ADAMTSL1: variants seen among roughly 807,000 people sequenced by gnomAD.
ADAMTSL1 encodes the protein ADAMTS like 1, also known as ADAMTS-like protein 1.
A neutral mutation model predicts 201.8 loss-of-function variants in ADAMTSL1; 126 were observed. That is an observed-to-expected ratio of 0.62 (90% CI 0.54 to 0.72). ADAMTSL1 has a LOEUF of 0.72. ADAMTSL1 is among the 30% of genes least tolerant of loss of function. The pLI, the probability that ADAMTSL1 is intolerant of heterozygous loss-of-function variation, is 0.00. For missense variants in ADAMTSL1, 2,679 were observed against 2,277.8 expected (o/e 1.18, Z -3.59); for synonymous variants, 1,121 against 903.4 (o/e 1.24, Z -4.32).
chr9:18,387,648 GT>G (rs138925946), intron 2 of ADAMTSL1, among the ~76,000 whole-genome samples: 5,420 of 151,124 alleles, frequency 0.036, 262 homozygotes, highest in African/African-American at 0.1. Context: ...ATTTTCATTT[GT>G]TTTTTTAATT....
chr9:18,359,942 C>G (rs971837894), intron 2 of ADAMTSL1, among the ~76,000 whole-genome samples: 2 of 151,406 alleles, frequency 1.3e-5, no homozygotes, highest in African/African-American at 4.9e-5. Flanking sequence ...TCATCAGTGT[C>G]CTCAGCTCTA....
At chr9:18,219,064 A>G (rs996911546) in intron 2 of ADAMTSL1, among the ~76,000 whole-genome samples, 1 of 151,638 alleles carries the variant, frequency 6.6e-6, no homozygotes, top group African/African-American at 2.4e-5. Flanking sequence ...TATATATTTC[A>G]TTCTCCTTAT....
At chr9:18,862,127 G>A (rs542738852) in intron 23 of ADAMTSL1, among the ~76,000 whole-genome samples, 20 of 152,296 alleles carry the variant, frequency 1.3e-4, no homozygotes, top group African/African-American at 3.6e-4. Context: ...CGGGATACGT[G>A]CTAGGAATAT....
At chr9:18,036,522 C>G (rs140539743) in intron 1 of ADAMTSL1, among the ~76,000 whole-genome samples, 2 of 152,258 alleles carry the variant, frequency 1.3e-5, no homozygotes, top group Non-Finnish European at 2.9e-5. Context: ...AGGCACAATT[C>G]TGGCCATGGT....
chr9:18,134,662 G>A (rs1462433714), intron 1 of ADAMTSL1, among the ~76,000 whole-genome samples: 1 of 152,194 alleles, frequency 6.6e-6, no homozygotes, highest in East Asian at 1.9e-4. Flanking sequence ...GCCAGTGGGT[G>A]TGGTGGTTCT....
At chr9:18,008,448 C>T (rs1235488890) in intron 1 of ADAMTSL1, among the ~76,000 whole-genome samples, 1 of 151,924 alleles carries the variant, frequency 6.6e-6, no homozygotes, top group Non-Finnish European at 1.5e-5. Flanking sequence ...TCTTGTCTGC[C>T]ACTCTCAGCT....
intron 1 of ADAMTSL1, among the ~76,000 whole-genome samples, chr9:18,143,433 TG>T (rs1323931268): frequency 6.6e-6 from 1 of 152,194 alleles, no homozygotes; most frequent in African/African-American, 2.4e-5. Context: ...TTATGGCAGT[TG>T]GGGGTAAGGG....
At chr9:18,835,328 T>C (rs533098844) in intron 23 of ADAMTSL1, among the ~76,000 whole-genome samples, 30 of 152,280 alleles carry the variant, frequency 2.0e-4, no homozygotes, top group South Asian at 2.1e-4. Flanking sequence ...TGTTTACTTA[T>C]ATCAAATTTT....
chr9:18,198,056 T>C (rs1203014114), intron 2 of ADAMTSL1, among the ~76,000 whole-genome samples: 4 of 152,210 alleles, frequency 2.6e-5, no homozygotes, highest in Non-Finnish European at 2.9e-5. Flanking sequence ...GCTAGCCATA[T>C]GTAGAAAGCT....
At chr9:18,307,523 A>T (rs1338603966) in intron 2 of ADAMTSL1, among the ~76,000 whole-genome samples, 3 of 152,134 alleles carry the variant, frequency 2.0e-5, no homozygotes, top group African/African-American at 7.2e-5. Flanking sequence ...GGGAAAACCA[A>T]AAAAAAGCAG....
At chr9:18,035,777 G>A (rs146100051) in intron 1 of ADAMTSL1, among the ~76,000 whole-genome samples, 4 of 151,990 alleles carry the variant, frequency 2.6e-5, no homozygotes, top group African/African-American at 7.3e-5. Flanking sequence ...TGACTATTTC[G>A]TTATTACAAT....
chr9:17,968,023 G>A (rs1231029571), intron 1 of ADAMTSL1, among the ~76,000 whole-genome samples: 3 of 152,060 alleles, frequency 2.0e-5, no homozygotes, highest in Non-Finnish European at 2.9e-5. Context: ...ATGCACAGCT[G>A]TTACTCCAAT....
At chr9:18,492,368 G>A (rs1822309846) in intron 1 of ADAMTSL1, among the ~76,000 whole-genome samples, 1 of 152,218 alleles carries the variant, frequency 6.6e-6, no homozygotes, top group East Asian at 1.9e-4. Flanking sequence ...GTATTAAAGA[G>A]TAAACTCTTA....
chr9:18,600,734 A>T (rs1374745533), intron 4 of ADAMTSL1, among the ~76,000 whole-genome samples: 2 of 152,322 alleles, frequency 1.3e-5, no homozygotes, highest in Non-Finnish European at 2.9e-5. Context: ...AATCAATTTG[A>T]TGCCACATTA....
At chr9:18,465,819 G>C (rs1189803549) in intron 2 of ADAMTSL1, among the ~76,000 whole-genome samples, 1 of 149,948 alleles carries the variant, frequency 6.7e-6, no homozygotes, top group East Asian at 1.9e-4. Context: ...CACGATCTTG[G>C]CTCACTGCAA....
chr9:18,158,129 C>G (rs116634486), intron 1 of ADAMTSL1, among the ~76,000 whole-genome samples: 65 of 152,074 alleles, frequency 4.3e-4, no homozygotes, highest in African/African-American at 1.4e-3. Context: ...CATTGCAGAG[C>G]TGGCCAGAGG....
intron 1 of ADAMTSL1, among the ~76,000 whole-genome samples, chr9:17,950,496 T>C (rs1827691815): frequency 6.6e-6 from 1 of 151,572 alleles, no homozygotes. Context: ...ATCAAATATG[T>C]GTATGATTGT....
intron 1 of ADAMTSL1, among the ~76,000 whole-genome samples, chr9:18,129,398 A>T (rs906668807): frequency 6.6e-6 from 1 of 152,154 alleles, no homozygotes; most frequent in Non-Finnish European, 1.5e-5. Context: ...GGTTCTTTCA[A>T]GGTCACATGG....
rs117031782 is a variant in ADAMTSL1, at chr9:18,083,528, A to C, written c.88-80334A>C. Among the ~76,000 whole-genome samples, 29 of 152,304 alleles carry C rather than the reference A, an allele frequency of 1.9e-4. No individual in the cohort carries two copies. The East Asian group carries it at 5.2e-3, about 27-fold the overall frequency. Reference sequence around the variant, plus strand: ...GATATTTAGCCTTTGGCTTGGTCCAAATGCTGTAGGTAATTTCAGGCTTAA... The same window carrying C: ...GATATTTAGCCTTTGGCTTGGTCCACATGCTGTAGGTAATTTCAGGCTTAA... On this transcript the variant is annotated intron_variant, in intron 1 of 29. Coordinates refer to the ADAMTSL1 transcript ENST00000680146.
Sources: allele counts gnomAD v4.1 joint callset (sites outside exome capture counted in the v4.1 genomes callset), GRCh38; gene constraint gnomAD v4.1.1; transcripts MANE v1.5; gene names NCBI Gene and HGNC (gene_info 2026-07-23, HGNC 2026-07-21).